The following SLC35G2 variants were observed in gnomAD, a reference collection of about 807,000 sequenced individuals.
SLC35G2 encodes the protein transmembrane protein 22.
A neutral mutation model predicts 27.2 loss-of-function variants in SLC35G2; 20 were observed. The ratio of observed to expected loss-of-function variants is 0.74; its 90% CI spans 0.52 to 1.07. SLC35G2 has a LOEUF of 1.07. Ranked by LOEUF, SLC35G2 falls within the 50% of genes least tolerant of loss-of-function variation. The pLI is 0.00. For synonymous variants in SLC35G2, 148 were observed against 165.3 expected, an observed-to-expected ratio of 0.90 and a Z score of 0.80; for missense variants, 416 against 493.3, an observed-to-expected ratio of 0.84 and a Z score of 1.48.
chr3:136,842,732 AC>A (rs1937152079), intron 1 of SLC35G2: 1 of 152,246 alleles, frequency 6.6e-6, no homozygotes, highest in South Asian at 2.1e-4. Context: ...TGTTTAATCA[AC>A]TTTTATTAAA....
At chr3:136,823,393 G>T (rs541564189) in intron 1 of SLC35G2, among the ~76,000 whole-genome samples, 41 of 152,178 alleles carry the variant, frequency 2.7e-4, no homozygotes, top group African/African-American at 9.4e-4. Context: ...TTCCTTTGCT[G>T]TGCAGAAGCT....
intron 1 of SLC35G2, among the ~76,000 whole-genome samples, chr3:136,852,231 G>A (rs1252031031): frequency 6.8e-6 from 1 of 146,090 alleles, no homozygotes; most frequent in Non-Finnish European, 1.5e-5. Flanking sequence ...GCAGGAAGAA[G>A]GACTGCAAAT....
In SLC35G2 at chr3:136,823,566, C is replaced by T. The variant is rs552583628; in HGVS notation, c.-19+3938C>T. ...AAGACTTATATTTAAGTCTTTATTC[C>T]ATTTTGATTTGATTTTTCTTTTTCT... On this transcript the variant is annotated intron_variant, in intron 1 of 1. Coordinates refer to ENST00000446465, the MANE Select transcript of SLC35G2 (RefSeq NM_025246.3). Among the ~76,000 whole-genome samples the T allele has an allele frequency of 3.9e-5, 6 of 152,002 alleles. No individual in the cohort carries two copies. In the East Asian group the frequency reaches 7.7e-4, roughly 20 times the overall value.
chr3:136,822,295 CCA>C (rs1163284480), intron 1 of SLC35G2, among the ~76,000 whole-genome samples: 3 of 152,086 alleles, frequency 2.0e-5, no homozygotes, highest in African/African-American at 7.2e-5. Context: ...GCTCTGGTAA[CCA>C]CCATCCTTCT....
At chr3:136,837,135 A>T (rs1936895117) in intron 1 of SLC35G2, among the ~76,000 whole-genome samples, 1 of 150,108 alleles carries the variant, frequency 6.7e-6, no homozygotes, top group Non-Finnish European at 1.5e-5. Flanking sequence ...ATGTATCTAC[A>T]CACACACAAC....
At chr3:136,840,923 C>CTTTTTTTTTTTTT (rs71626030) in intron 1 of SLC35G2, among the ~76,000 whole-genome samples, 1 of 121,536 alleles carries the variant, frequency 8.2e-6, no homozygotes, top group Non-Finnish European at 1.7e-5. Context: ...GTGCCTGGCC[C>CTTTTTTTTTTTTT]TTTTTTTTTT....
At chr3:136,824,577 T>G (rs1936538939) in intron 1 of SLC35G2, among the ~76,000 whole-genome samples, 1 of 152,202 alleles carries the variant, frequency 6.6e-6, no homozygotes, top group African/African-American at 2.4e-5. Context: ...TTTTGTGTCC[T>G]GCAACTTTAC....
chr3:136,843,461 T>G (rs1455984862), intron 1 of SLC35G2: 1 of 151,070 alleles, frequency 6.6e-6, no homozygotes, highest in Non-Finnish European at 1.5e-5. Context: ...TTGGCCAATG[T>G]GGCAAAACCC....
At chr3:136,831,249 A>G (rs1383081564) in intron 1 of SLC35G2, among the ~76,000 whole-genome samples, 2 of 152,228 alleles carry the variant, frequency 1.3e-5, no homozygotes, top group Non-Finnish European at 2.9e-5. Context: ...AGGAGATACA[A>G]GATAGAGTTA....
chr3:136,833,986 A>G (rs1382679169), intron 1 of SLC35G2, among the ~76,000 whole-genome samples: 1 of 151,666 alleles, frequency 6.6e-6, no homozygotes, highest in Non-Finnish European at 1.5e-5. Flanking sequence ...ACCGTAAACA[A>G]TAGCATTGTA....
chr3:136,834,117 C>T (rs1936803393), intron 1 of SLC35G2, among the ~76,000 whole-genome samples: 1 of 151,828 alleles, frequency 6.6e-6, no homozygotes, highest in African/African-American at 2.4e-5. Flanking sequence ...AAAATTTGAT[C>T]TTGGATTATT....
At chr3:136,852,982 G>A (rs1164224330) in intron 1 of SLC35G2, among the ~76,000 whole-genome samples, 1 of 152,186 alleles carries the variant, frequency 6.6e-6, no homozygotes, top group Non-Finnish European at 1.5e-5. Flanking sequence ...AACATTTATT[G>A]AGAGTTTACT....
chr3:136,833,715 C>T (rs978451628), intron 1 of SLC35G2, among the ~76,000 whole-genome samples: 2 of 152,112 alleles, frequency 1.3e-5, no homozygotes, highest in African/African-American at 4.8e-5. Flanking sequence ...GGCAGTAATG[C>T]TCGCTTGCTC....
rs879767726 is a variant in SLC35G2 at position 136,831,889 on chromosome 3, C to CT, written c.-19+12273dup. On this transcript the variant is annotated intron_variant, in intron 1 of 1. Coordinates refer to ENST00000446465, the MANE Select transcript of SLC35G2 (RefSeq NM_025246.3). ...TACATGTAAAGTGCTTGAGTCTAGT[C>CT]TTTTTTTTTTTTGCCTATTTAAAAA... Among the ~76,000 whole-genome samples the CT allele has an allele frequency of 3.1e-3, 442 of 141,040 alleles. 2 individuals carry two copies. Among genetic ancestry groups the CT allele is most frequent in the South Asian group, 6.3e-3 (28 of 4,434 alleles). The allele number at this position is 141,040 out of a possible 152,430, so 92.5% of individuals were successfully genotyped here. A position where few individuals can be genotyped will look rare whatever the true frequency, so the allele number is the denominator to read the frequency against.
At chr3:136,851,150 G>C (rs1390707520) in intron 1 of SLC35G2, among the ~76,000 whole-genome samples, 1 of 152,058 alleles carries the variant, frequency 6.6e-6, no homozygotes, top group Non-Finnish European at 1.5e-5. Flanking sequence ...GTGGCTAGAG[G>C]TGAGGAAAGG....
chr3:136,839,342 A>C (rs921712329), intron 1 of SLC35G2, among the ~76,000 whole-genome samples: 2 of 152,234 alleles, frequency 1.3e-5, no homozygotes, highest in Non-Finnish European at 2.9e-5. Context: ...AATGGATTTT[A>C]AAATGTCACA....
At chr3:136,832,996 G>C (rs190432315) in intron 1 of SLC35G2, among the ~76,000 whole-genome samples, 1 of 151,556 alleles carries the variant, frequency 6.6e-6, no homozygotes, top group Non-Finnish European at 1.5e-5. Context: ...ATGAACCTGG[G>C]AGGCGGAGCT....
chr3:136,840,870 G>A lies in SLC35G2; in HGVS notation c.-18-13573G>A, dbSNP rs546200264. Among the ~76,000 whole-genome samples the A allele has an allele frequency of 1.1e-4, 16 of 149,756 alleles. No homozygotes were observed. The South Asian group carries it at 1.3e-3, about 12-fold the overall frequency. On this transcript the variant is annotated intron_variant, in intron 1 of 1. Transcript: ENST00000446465. The stretch of plus-strand genomic sequence containing the variant: ...ACTCCTGACCTCAGGTGATCTGCCC[G>A]TCTGAGCCTCCCAAAGTGCTGGGAT...
intron 1 of SLC35G2, among the ~76,000 whole-genome samples, chr3:136,848,128 A>G (rs1043919343): frequency 3.3e-5 from 5 of 152,206 alleles, no homozygotes; most frequent in Non-Finnish European, 7.3e-5. Flanking sequence ...AATTTAAGAA[A>G]GGCCTAAGCC....
Sources: gnomAD v4.1 joint callset for allele counts (sites outside exome capture counted in the v4.1 genomes callset) on GRCh38, gnomAD v4.1.1 for gene constraint, MANE v1.5 for transcripts, NCBI Gene and HGNC (gene_info 2026-07-23, HGNC 2026-07-21) for gene names.